SPTSSA: variants seen among roughly 807,000 people sequenced by gnomAD.
SPTSSA encodes the protein serine palmitoyltransferase small subunit A.
SPTSSA carries 8 observed loss-of-function variants against 9.1 expected under a neutral mutation model. The ratio of observed to expected loss-of-function variants is 0.88; its 90% CI spans 0.51 to 1.58. SPTSSA has a LOEUF of 1.58. SPTSSA is among the 40% of genes most tolerant of loss of function. The pLI is 0.00. For missense variants in SPTSSA, 100 were observed against 93.8 expected (o/e 1.07, Z -0.27); for synonymous variants, 42 against 37.7 (o/e 1.11, Z -0.41).
intron 1 of SPTSSA, among the ~76,000 whole-genome samples, chr14:34,450,509 C>T (rs915744708): frequency 6.6e-6 from 1 of 152,176 alleles, no homozygotes; most frequent in Non-Finnish European, 1.5e-5. Context: ...TTTCTATTTA[C>T]CGAACTCTTC....
intron 1 of SPTSSA, among the ~76,000 whole-genome samples, chr14:34,453,939 G>A (rs1883568712): frequency 6.6e-6 from 1 of 151,552 alleles, no homozygotes; most frequent in Non-Finnish European, 1.5e-5. Flanking sequence ...GAGCACTTTG[G>A]AAAGCTGAGG....
At chr14:34,447,375 C>T (rs1187455173) in intron 1 of SPTSSA, among the ~76,000 whole-genome samples, 1 of 150,360 alleles carries the variant, frequency 6.7e-6, no homozygotes, top group East Asian at 1.9e-4. Context: ...ATCCTCCCAA[C>T]AGTCATAATA....
Position 34,455,657 on chromosome 14 carries a change from C to T in SPTSSA, c.112+6439G>A, listed in dbSNP as rs560299644. On this transcript the variant is annotated intron_variant, in intron 1 of 1. Coordinates refer to ENST00000298130, the MANE Select transcript of SPTSSA (RefSeq NM_138288.4). ...GCAAAAAAAGTCCTTTTAGGCCAGG[C>T]GCGGTGGCTCACACCTGTAATCCCA... Among the ~76,000 whole-genome samples the T allele has an allele frequency of 7.6e-4, 116 of 152,086 alleles. 1 individual carries two copies. The highest frequency in any genetic ancestry group is 6.8e-3 in the Middle Eastern group (2 of 292).
chr14:34,445,202 TG>T (rs1336676108), intron 1 of SPTSSA, among the ~76,000 whole-genome samples: 4 of 152,206 alleles, frequency 2.6e-5, no homozygotes, highest in South Asian at 4.1e-4. Flanking sequence ...AAAAGGTTTT[TG>T]CTTCTTTAAA....
chr14:34,459,759 A>G (rs1050046643), intron 1 of SPTSSA, among the ~76,000 whole-genome samples: 1 of 151,954 alleles, frequency 6.6e-6, no homozygotes, highest in African/African-American at 2.4e-5. Flanking sequence ...CCAGCCGGGC[A>G]ACAAGAACAA....
At chr14:34,438,969 G>A (rs1258666464) in intron 1 of SPTSSA, among the ~76,000 whole-genome samples, 3 of 152,096 alleles carry the variant, frequency 2.0e-5, no homozygotes, top group African/African-American at 7.2e-5. Flanking sequence ...CAAATCTTAG[G>A]ATCCACAGAA....
intron 1 of SPTSSA, among the ~76,000 whole-genome samples, chr14:34,454,454 C>A (rs1883578537): frequency 1.3e-5 from 2 of 152,170 alleles, no homozygotes. Flanking sequence ...TATTTTCAAC[C>A]TTTACCAACC....
At position 34,434,174 on chromosome 14, in the gene SPTSSA, T is replaced by A. The variant is rs1005808126; in HGVS notation, c.*1027A>T. On this transcript the variant is annotated 3_prime_UTR_variant, in exon 2 of 2. Coordinates refer to ENST00000298130, the MANE Select transcript of SPTSSA (RefSeq NM_138288.4). The stretch of plus-strand genomic sequence containing the variant: ...CTGCTACATCAGCTGATTTTTTTTC[T>A]CTTTGAATTTAATGTATTTACATCA... 6.6e-6 allele frequency: 1 copy of A among 152,418 alleles called. No homozygotes were observed. Among genetic ancestry groups the A allele is most frequent in the African/African-American group, 2.4e-5 (1 of 41,430 alleles). The allele number at this position is 152,418 out of a possible 1,614,324, so 9.4% of individuals were successfully genotyped here. A position where few individuals can be genotyped will look rare whatever the true frequency, so the allele number is the denominator to read the frequency against.
chr14:34,436,674 T>C (rs1364507899), intron 1 of SPTSSA, among the ~76,000 whole-genome samples: 1 of 152,242 alleles, frequency 6.6e-6, no homozygotes, highest in Non-Finnish European at 1.5e-5. Context: ...TTAACCCTTA[T>C]AGCTTTCCTA....
At chr14:34,450,736 T>C (rs1009995446) in intron 1 of SPTSSA, among the ~76,000 whole-genome samples, 7 of 152,246 alleles carry the variant, frequency 4.6e-5, no homozygotes, top group Non-Finnish European at 7.3e-5. Flanking sequence ...CCAGCCATAG[T>C]ACATTGCTTG....
intron 1 of SPTSSA, among the ~76,000 whole-genome samples, chr14:34,438,042 A>G (rs940465272): frequency 6.6e-5 from 10 of 152,046 alleles, no homozygotes; most frequent in African/African-American, 2.4e-4. Flanking sequence ...GGGACAAGCA[A>G]TCCTCCCACC....
Position 34,435,248 on chromosome 14 carries a change from G to T in SPTSSA, c.169C>A (p.Pro57Thr), listed in dbSNP as rs1566420513. The T allele has an allele frequency of 6.2e-7, 1 of 1,613,882 alleles. No individual in the cohort carries two copies. The highest frequency in any genetic ancestry group is 8.5e-7 in the Non-Finnish European group (1 of 1,179,868). The change falls in exon 2 of 2, where the codon CCC becomes ACC. Residue 57 changes from proline to threonine, a missense_variant. Transcript: ENST00000298130. ...TGCAATATCGCCATGATGTGCTGGG[G>T]CATGAAGACGTATCCTGTGTATAGT... ...MALYTGYVFM[P>T]QHIMAILHYF...
intron 1 of SPTSSA, among the ~76,000 whole-genome samples, chr14:34,452,262 AAAAG>A (rs1228578404): frequency 1.2e-4 from 18 of 150,242 alleles, no homozygotes; most frequent in Non-Finnish European, 2.2e-4. Context: ...AAAAAAAAAA[AAAAG>A]AAAGTTAATT....
At chr14:34,460,671 A>G (rs1878600927) in intron 1 of SPTSSA, among the ~76,000 whole-genome samples, 1 of 152,184 alleles carries the variant, frequency 6.6e-6, no homozygotes. Context: ...GTTTAAATTA[A>G]TTTTAGGATG....
At chr14:34,455,153 C>T (rs1414117296) in intron 1 of SPTSSA, among the ~76,000 whole-genome samples, 1 of 150,860 alleles carries the variant, frequency 6.6e-6, no homozygotes, top group Non-Finnish European at 1.5e-5. Flanking sequence ...TTTGGGAGGC[C>T]GAGGTGGGCG....
At chr14:34,439,457 G>A (rs1883286737) in intron 1 of SPTSSA, among the ~76,000 whole-genome samples, 1 of 151,830 alleles carries the variant, frequency 6.6e-6, no homozygotes, top group Non-Finnish European at 1.5e-5. Context: ...GGGCAACATA[G>A]TAAGACAATG....
intron 1 of SPTSSA, among the ~76,000 whole-genome samples, chr14:34,447,082 G>C (rs1883433937): frequency 6.6e-6 from 1 of 151,796 alleles, no homozygotes; most frequent in African/African-American, 2.4e-5. Context: ...AAATTAGCCG[G>C]CCGTGGTGGC....
intron 1 of SPTSSA, among the ~76,000 whole-genome samples, chr14:34,448,318 A>G (rs765610673): frequency 4.6e-5 from 7 of 152,254 alleles, no homozygotes; most frequent in East Asian, 1.9e-4. Flanking sequence ...ATGGTCCCCA[A>G]TAGGTAGGGA....
intron 1 of SPTSSA, among the ~76,000 whole-genome samples, chr14:34,443,592 A>T (rs1181607068): frequency 7.3e-6 from 1 of 136,940 alleles, no homozygotes; most frequent in Non-Finnish European, 1.6e-5. Context: ...CTGGAGTGCA[A>T]TGGCACAGTC....
Sources: gnomAD v4.1 joint callset for allele counts (sites outside exome capture counted in the v4.1 genomes callset) on GRCh38, gnomAD v4.1.1 for gene constraint, MANE v1.5 for transcripts, NCBI Gene and HGNC (gene_info 2026-07-23, HGNC 2026-07-21) for gene names.